The following LHFPL4 variants were observed in gnomAD, a reference collection of about 807,000 sequenced individuals.
LHFPL4 encodes the protein LHFPL tetraspan subfamily member 4 protein.
Under a neutral mutation model 20.0 loss-of-function variants are expected in LHFPL4, and 6 were observed. The ratio of observed to expected loss-of-function variants is 0.30; its 90% confidence interval spans 0.16 to 0.59. The LOEUF (loss-of-function observed/expected upper bound fraction) is 0.59. Among genes scored for constraint, LHFPL4 ranks in the 20% least tolerant of loss-of-function variants. The pLI, the probability that LHFPL4 is intolerant of heterozygous loss-of-function variation, is 0.88. For missense variants in LHFPL4, 215 were observed against 331.2 expected (o/e 0.65, Z 2.72); for synonymous variants, 129 against 143.8 (o/e 0.90, Z 0.74).
At chr3:9,537,287 G>A (rs1320689662) in intron 2 of LHFPL4, among the ~76,000 whole-genome samples, 1 of 151,872 alleles carries the variant, frequency 6.6e-6, no homozygotes, top group Non-Finnish European at 1.5e-5. Context: ...CTCTCTTCCT[G>A]GGACACTCTT....
chr3:9,537,512 T>C (rs1023668566), intron 2 of LHFPL4, among the ~76,000 whole-genome samples: 1 of 152,148 alleles, frequency 6.6e-6, no homozygotes, highest in Non-Finnish European at 1.5e-5. Context: ...CCACAGCCTG[T>C]TAATAACCTT....
At chr3:9,553,407 G>A (rs1007709421) in intron 1 of LHFPL4, among the ~76,000 whole-genome samples, 11 of 151,410 alleles carry the variant, frequency 7.3e-5, no homozygotes, top group Non-Finnish European at 1.5e-4. Flanking sequence ...GAGGAAGGGG[G>A]GGCTGTCCTC....
intron 2 of LHFPL4, among the ~76,000 whole-genome samples, chr3:9,507,528 C>G (rs73026985): frequency 0.12 from 18,122 of 152,262 alleles, 1,272 homozygotes; most frequent in Non-Finnish European, 0.16. Flanking sequence ...TTATCAAAAC[C>G]AGTCATAATG....
intron 2 of LHFPL4, among the ~76,000 whole-genome samples, chr3:9,537,719 C>T (rs1386174281): frequency 6.6e-6 from 1 of 152,194 alleles, no homozygotes; most frequent in African/African-American, 2.4e-5. Context: ...GCTCTGACTC[C>T]TGTCTCACAG....
At chr3:9,529,605 A>T (rs976207195) in intron 2 of LHFPL4, among the ~76,000 whole-genome samples, 2 of 152,086 alleles carry the variant, frequency 1.3e-5, no homozygotes, top group African/African-American at 4.8e-5. Flanking sequence ...ATAAATGAGC[A>T]CTAATATTTT....
intron 2 of LHFPL4, among the ~76,000 whole-genome samples, chr3:9,543,334 T>C (rs1459227330): frequency 1.3e-5 from 2 of 151,944 alleles, no homozygotes; most frequent in African/African-American, 4.8e-5. Flanking sequence ...ACCCCGTCTC[T>C]ACTAAAAATA....
rs1575655468 is a variant in LHFPL4 at position 9,501,825 on chromosome 3, T to G, written c.*386A>C. On this transcript the variant is annotated 3_prime_UTR_variant, in exon 4 of 4. Coordinates refer to ENST00000287585, the MANE Select transcript of LHFPL4 (RefSeq NM_198560.3). ...TTGAAGAGGCAGGGACCAGAAGAGG[T>G]GCGGATACAGCCAGGCGGCAGCCCT... The G allele has an allele frequency of 5.2e-6, 1 of 193,532 alleles. No homozygotes were observed. Among genetic ancestry groups the G allele is most frequent in the Non-Finnish European group, 1.0e-5 (1 of 95,918 alleles). The allele number at this position is 193,532 out of a possible 1,614,324, so 12.0% of individuals were successfully genotyped here.
At chr3:9,505,625 C>T (rs962697076) in intron 3 of LHFPL4, among the ~76,000 whole-genome samples, 11 of 152,108 alleles carry the variant, frequency 7.2e-5, no homozygotes, top group African/African-American at 2.2e-4. Flanking sequence ...AGGGTTTCAC[C>T]GTGTTAGCCA....
chr3:9,524,430 TGTTA>T (rs2046360854), intron 2 of LHFPL4, among the ~76,000 whole-genome samples: 2 of 152,308 alleles, frequency 1.3e-5, no homozygotes, highest in South Asian at 4.1e-4. Context: ...CAAGTTTGTT[TGTTA>T]GTTTGTTTTA....
intron 2 of LHFPL4, among the ~76,000 whole-genome samples, chr3:9,548,223 T>C (rs1165317316): frequency 6.6e-6 from 1 of 152,212 alleles, no homozygotes; most frequent in Non-Finnish European, 1.5e-5. Context: ...ATCTCACCTA[T>C]ACAATATGAA....
At position 9,501,577 on chromosome 3, in the gene LHFPL4, C is replaced by T. The variant is rs2046174999; in HGVS notation, c.*634G>A. On this transcript the variant is annotated 3_prime_UTR_variant, in exon 4 of 4. Transcript: ENST00000287585. ...TTCTGACTCTGGGCTGATCAGGGCC[C>T]CGGTCTGCAGCTGACAGCAGGGCCC... The T allele has an allele frequency of 6.6e-6, 1 of 152,322 alleles. No homozygotes were observed. The highest frequency in any genetic ancestry group is 6.5e-5 in the Admixed American group (1 of 15,268). The allele number at this position is 152,322 out of a possible 1,614,324, so 9.4% of individuals were successfully genotyped here.
chr3:9,553,483 G>A (rs2046571122), intron 1 of LHFPL4, among the ~76,000 whole-genome samples: 1 of 151,404 alleles, frequency 6.6e-6, no homozygotes, highest in South Asian at 2.1e-4. Context: ...GGAGAGAGGG[G>A]GTTTCCAGGC....
At chr3:9,535,096 A>G (rs2046437007) in intron 2 of LHFPL4, among the ~76,000 whole-genome samples, 1 of 152,224 alleles carries the variant, frequency 6.6e-6, no homozygotes, top group Non-Finnish European at 1.5e-5. Flanking sequence ...CTACTCAGCT[A>G]CTAAAAGTAT....
intron 2 of LHFPL4, among the ~76,000 whole-genome samples, chr3:9,537,861 C>T (rs1001858355): frequency 6.6e-6 from 1 of 152,108 alleles, no homozygotes; most frequent in Non-Finnish European, 1.5e-5. Context: ...TGCCTCAAAT[C>T]GCCATCCACA....
intron 2 of LHFPL4, 101 bp downstream of exon 2, chr3:9,552,173 G>C (rs2046559331): frequency 2.7e-6 from 4 of 1,459,902 alleles, no homozygotes; most frequent in Non-Finnish European, 9.2e-7. Context: ...TCTTAACACA[G>C]AGAAGCAGAA....
chr3:9,514,914 T>G (rs2046288104), intron 2 of LHFPL4, among the ~76,000 whole-genome samples: 1 of 152,228 alleles, frequency 6.6e-6, no homozygotes, highest in South Asian at 2.1e-4. Context: ...CTGAAGAATA[T>G]CTTGTTTGCT....
intron 2 of LHFPL4, among the ~76,000 whole-genome samples, chr3:9,524,601 T>C (rs2046361695): frequency 6.6e-6 from 1 of 152,204 alleles, no homozygotes; most frequent in Admixed American, 6.5e-5. Flanking sequence ...TTATTTTTGG[T>C]CCTCTCTTAG....
intron 2 of LHFPL4, among the ~76,000 whole-genome samples, chr3:9,542,690 T>C (rs2046484852): frequency 6.6e-6 from 1 of 151,080 alleles, no homozygotes; most frequent in Non-Finnish European, 1.5e-5. Context: ...GTGCCAGTAG[T>C]CCCAGCTACT....
intron 2 of LHFPL4, among the ~76,000 whole-genome samples, chr3:9,511,652 G>A (rs946231999): frequency 2.0e-5 from 3 of 152,168 alleles, no homozygotes; most frequent in African/African-American, 7.2e-5. Context: ...TCAAAACAAT[G>A]TTCTTAGAAT....
Sources: allele counts gnomAD v4.1 joint callset (sites outside exome capture counted in the v4.1 genomes callset), GRCh38; gene constraint gnomAD v4.1.1; transcripts MANE v1.5; gene names NCBI Gene and HGNC (gene_info 2026-07-23, HGNC 2026-07-21).